The following PTPRT variants were observed in gnomAD, a reference collection of about 807,000 sequenced individuals.
The protein encoded by PTPRT is receptor-type tyrosine-protein phosphatase T.
PTPRT carries 56 observed loss-of-function variants against 176.8 expected under a neutral mutation model. The ratio of observed to expected loss-of-function variants is 0.32; its 90% confidence interval spans 0.26 to 0.40. The LOEUF is 0.40. Among genes scored for constraint, PTPRT ranks in the 10% least tolerant of loss-of-function variants. The probability of loss-of-function intolerance (pLI) is 1.00; values close to 1 mark genes in which losing one functional copy is unlikely to be tolerated. For synonymous variants in PTPRT, 783 were observed against 739.0 expected, an observed-to-expected ratio of 1.06 and a Z score of -0.96; for missense variants, 1,540 against 1,908.2, an observed-to-expected ratio of 0.81 and a Z score of 3.60.
At chr20:42,876,538 C>A (rs963406966) in intron 2 of PTPRT, among the ~76,000 whole-genome samples, 5 of 152,134 alleles carry the variant, frequency 3.3e-5, no homozygotes, top group Non-Finnish European at 2.9e-5. Flanking sequence ...AGAACCCAGA[C>A]CAATCAGGAC....
chr20:42,085,790 C>T lies in PTPRT; in HGVS notation c.3910G>A (p.Val1304Ile), dbSNP rs777325904. ...GCYGPIQVEF[V>I]SADIDEDIIH... ...ATGTCCTCGTCGATGTCTGCGGAGA[C>T]GAACTCCACCTGGATGGGCCCATAG... is the stretch of plus-strand genomic sequence containing the variant. The change falls in exon 28 of 31, where the codon GTC becomes ATC. Residue 1304 changes from valine to isoleucine, a missense_variant. This residue lies in a region of PTPRT where 342 missense variants were observed against 394.0 expected (regional missense o/e 0.87). Coordinates refer to ENST00000373187, the MANE Select transcript of PTPRT (RefSeq NM_007050.6). The T allele has an allele frequency of 1.2e-5, 19 of 1,613,854 alleles. No individual in the cohort carries two copies. Among genetic ancestry groups the T allele is most frequent in the Admixed American group, 6.7e-5 (4 of 59,986 alleles).
chr20:42,586,434 C>T (rs954186343), intron 7 of PTPRT, among the ~76,000 whole-genome samples: 1 of 152,166 alleles, frequency 6.6e-6, no homozygotes, highest in Admixed American at 6.5e-5. Context: ...TACATTTCTA[C>T]CCCTGCTGTG....
intron 7 of PTPRT, among the ~76,000 whole-genome samples, chr20:42,539,970 A>C (rs1379739997): frequency 6.6e-6 from 1 of 152,192 alleles, no homozygotes; most frequent in Non-Finnish European, 1.5e-5. Flanking sequence ...AGAGAAAATG[A>C]AGGGAGAGAA....
the PTPRT span, among the ~76,000 whole-genome samples, chr20:42,063,025 T>C: frequency 6.6e-6 from 1 of 152,210 alleles, no homozygotes; most frequent in African/African-American, 2.4e-5. Context: ...TAAGCCATGA[T>C]GTATTGGATT....
chr20:42,497,464 T>C (rs76038004), intron 7 of PTPRT, among the ~76,000 whole-genome samples: 3,922 of 152,138 alleles, frequency 0.026, 92 homozygotes, highest in South Asian at 0.098. Context: ...TTGGTTTGTT[T>C]GTTTGAGACA....
chr20:43,051,467 A>T (rs1468105302), intron 1 of PTPRT, among the ~76,000 whole-genome samples: 1 of 152,022 alleles, frequency 6.6e-6, no homozygotes, highest in Non-Finnish European at 1.5e-5. Flanking sequence ...TTACTGCCAT[A>T]AAATGTTCTT....
intron 6 of PTPRT, among the ~76,000 whole-genome samples, chr20:42,743,106 G>A (rs1390229154): frequency 6.6e-6 from 1 of 152,152 alleles, no homozygotes. Context: ...CCCTCACTGA[G>A]AACAGATGAT....
At chr20:42,646,861 G>C (rs900022188) in intron 7 of PTPRT, among the ~76,000 whole-genome samples, 5 of 132,152 alleles carry the variant, frequency 3.8e-5, no homozygotes, top group African/African-American at 1.5e-4. Context: ...TCTATATCTA[G>C]AGATCCCAAC....
chr20:42,755,372 C>T (rs543593943), intron 6 of PTPRT, among the ~76,000 whole-genome samples: 9 of 152,260 alleles, frequency 5.9e-5, no homozygotes, highest in African/African-American at 1.7e-4. Context: ...CTCAAAGGCT[C>T]GATCAGTGGG....
Position 42,517,023 on chromosome 20 carries a change from C to T in PTPRT, c.1154-44461G>A, listed in dbSNP as rs369304688. 3.1e-3 allele frequency among the ~76,000 whole-genome samples: 478 copies of T among 152,150 alleles called. 22 individuals carry two copies. In the South Asian group the frequency reaches 0.094, roughly 30 times the overall value. On this transcript the variant is annotated intron_variant, in intron 7 of 30. Coordinates refer to ENST00000373187, the MANE Select transcript of PTPRT (RefSeq NM_007050.6). ...TCCTTTCTCATGCTGTCCTTATCTA[C>T]TTTTGGCACAAAGTTTATGTTTACT...
chr20:42,355,596 C>T (rs1217652874), intron 9 of PTPRT, among the ~76,000 whole-genome samples: 5 of 152,170 alleles, frequency 3.3e-5, no homozygotes, highest in African/African-American at 9.7e-5. Flanking sequence ...CACTGCAGAG[C>T]AGTGAGCAAA....
intron 2 of PTPRT, among the ~76,000 whole-genome samples, chr20:42,795,011 C>T (rs13036516): frequency 0.41 from 62,893 of 151,926 alleles, 15,312 homozygotes; most frequent in Non-Finnish European, 0.54. Context: ...GGAGTGAAAA[C>T]CCTTGTATAT....
intron 7 of PTPRT, among the ~76,000 whole-genome samples, chr20:42,603,756 C>T (rs1211150617): frequency 6.6e-6 from 1 of 152,128 alleles, no homozygotes; most frequent in Non-Finnish European, 1.5e-5. Flanking sequence ...AGCTTCACTC[C>T]ATAGACGGAC....
At chr20:42,044,153 G>T in the PTPRT span, among the ~76,000 whole-genome samples, 1 of 152,210 alleles carries the variant, frequency 6.6e-6, no homozygotes, top group Non-Finnish European at 1.5e-5. Flanking sequence ...TTCCCAGAAG[G>T]AGGGGTAAGC....
rs573527648 is a variant in PTPRT, at chr20:42,314,709, A to T, written c.2139+1014T>A. Among the ~76,000 whole-genome samples the T allele has an allele frequency of 4.0e-4, 61 of 152,248 alleles. 1 individual carries two copies. In the South Asian group the frequency reaches 0.012, roughly 30 times the overall value. On this transcript the variant is annotated intron_variant, in intron 12 of 30. Transcript: ENST00000373187. ...AGGGTGTTAGAAAAGATCTTATGTA[A>T]CTGAAAGACTATAAACCAAGAAGGT... is the stretch of plus-strand genomic sequence containing the variant.
intron 9 of PTPRT, among the ~76,000 whole-genome samples, chr20:42,389,725 C>T (rs187658761): frequency 1.2e-3 from 184 of 151,856 alleles, no homozygotes; most frequent in Middle Eastern, 0.01. Context: ...CATGGTGGTA[C>T]ATGCTTGTAG....
intron 7 of PTPRT, among the ~76,000 whole-genome samples, chr20:42,497,745 C>A (rs918917966): frequency 6.6e-6 from 1 of 152,096 alleles, no homozygotes; most frequent in Non-Finnish European, 1.5e-5. Flanking sequence ...TACAGATATG[C>A]CTTTCTTATA....
chr20:43,031,847 G>C (rs1048942468), intron 1 of PTPRT, among the ~76,000 whole-genome samples: 8 of 152,314 alleles, frequency 5.3e-5, no homozygotes, highest in Admixed American at 1.3e-4. Context: ...CCTGGGGTCT[G>C]AGTCTGATCA....
At chr20:42,576,046 G>A (rs893935465) in intron 7 of PTPRT, among the ~76,000 whole-genome samples, 10 of 152,130 alleles carry the variant, frequency 6.6e-5, no homozygotes, top group African/African-American at 1.7e-4. Flanking sequence ...GCAACCTGTC[G>A]AGACTCAGGA....
Sources: allele counts gnomAD v4.1 joint callset (sites outside exome capture counted in the v4.1 genomes callset), GRCh38; gene constraint gnomAD v4.1.1; regional missense constraint gnomAD v4.1.1; transcripts MANE v1.5; gene names NCBI Gene and HGNC (gene_info 2026-07-23, HGNC 2026-07-21).